EIF2B3: variants seen among roughly 807,000 people sequenced by gnomAD.
EIF2B3 encodes the protein translation initiation factor eIF2B subunit gamma.
EIF2B3 carries 20 observed loss-of-function variants against 54.1 expected under a neutral mutation model. The observed-to-expected ratio is 0.37, with a 90% CI of 0.26 to 0.54. The LOEUF (loss-of-function observed/expected upper bound fraction) is 0.54, where lower values mean the gene tolerates loss of function less well. Among genes scored for constraint, EIF2B3 ranks in the 20% least tolerant of loss-of-function variants. The pLI, the probability that EIF2B3 is intolerant of heterozygous loss-of-function variation, is 0.86. For missense variants in EIF2B3, 448 were observed against 547.8 expected (o/e 0.82, Z 1.82); for synonymous variants, 153 against 188.1 (o/e 0.81, Z 1.52).
intron 3 of EIF2B3, among the ~76,000 whole-genome samples, chr1:44,943,259 C>G (rs1296434735): frequency 1.3e-5 from 2 of 149,400 alleles, no homozygotes; most frequent in Non-Finnish European, 3.0e-5. Context: ...AACTGGTGGG[C>G]TCAAACAATC....
intron 3 of EIF2B3, among the ~76,000 whole-genome samples, chr1:44,942,846 T>C (rs796820516): frequency 5.3e-5 from 8 of 151,898 alleles, no homozygotes; most frequent in African/African-American, 1.7e-4. Context: ...TTTATTTTAT[T>C]TTATTTTATT....
chr1:44,877,208 A>C (rs867626117), intron 8 of EIF2B3, among the ~76,000 whole-genome samples: 21 of 148,374 alleles, frequency 1.4e-4, no homozygotes, highest in African/African-American at 2.2e-4. Flanking sequence ...AAAAAAAAAA[A>C]AAAAAAAAAA....
intron 11 of EIF2B3, among the ~76,000 whole-genome samples, chr1:44,856,814 ATTATTT>A (rs1270245844): frequency 1.3e-5 from 2 of 152,050 alleles, no homozygotes; most frequent in African/African-American, 2.4e-5. Flanking sequence ...AATTTTTATT[ATTATTT>A]TTAAGACAGG....
chr1:44,871,874 CT>C (rs71040515), intron 10 of EIF2B3, among the ~76,000 whole-genome samples: 431 of 118,876 alleles, frequency 3.6e-3, no homozygotes, highest in African/African-American at 8.1e-3. Flanking sequence ...ACTTCACAAT[CT>C]TTTTTTTTTT....
chr1:44,906,487 G>A (rs1643413074), intron 5 of EIF2B3, among the ~76,000 whole-genome samples: 1 of 152,156 alleles, frequency 6.6e-6, no homozygotes, highest in African/African-American at 2.4e-5. Context: ...TGCAACCTCC[G>A]CCTCTCAGGT....
intron 8 of EIF2B3, among the ~76,000 whole-genome samples, chr1:44,877,022 C>T (rs991468294): frequency 1.3e-5 from 2 of 150,204 alleles, no homozygotes; most frequent in African/African-American, 5.0e-5. Context: ...GTCATCACCA[C>T]TCCCTGATCT....
chr1:44,961,117 C>T (rs185970999), intron 3 of EIF2B3, among the ~76,000 whole-genome samples: 5 of 151,882 alleles, frequency 3.3e-5, no homozygotes, highest in Admixed American at 2.6e-4. Flanking sequence ...AGGAGGATTG[C>T]TTGAGGCCAG....
chr1:44,930,453 CAG>C (rs1373552301), intron 4 of EIF2B3, among the ~76,000 whole-genome samples: 4 of 152,210 alleles, frequency 2.6e-5, no homozygotes, highest in Admixed American at 1.3e-4. Context: ...TTTGAACTAA[CAG>C]AGCGCAGCAG....
At chr1:44,920,557 C>T (rs1021766033) in intron 5 of EIF2B3, among the ~76,000 whole-genome samples, 34 of 152,140 alleles carry the variant, frequency 2.2e-4, no homozygotes, top group African/African-American at 8.2e-4. Flanking sequence ...CCTTTCCAGC[C>T]TCTGGTAATC....
At chr1:44,982,764 CTT>C (rs34092748) in intron 1 of EIF2B3, among the ~76,000 whole-genome samples, 4 of 138,668 alleles carry the variant, frequency 2.9e-5, no homozygotes, top group Admixed American at 7.3e-5. Flanking sequence ...CCATGCCTGG[CTT>C]TTTTTTTTTT....
At chr1:44,917,055 T>TC (rs1643638182) in intron 5 of EIF2B3, among the ~76,000 whole-genome samples, 1 of 152,176 alleles carries the variant, frequency 6.6e-6, no homozygotes, top group South Asian at 2.1e-4. Context: ...TGGGAATAAC[T>TC]CAGAGGTAAG....
chr1:44,961,229 C>T (rs562492047), intron 3 of EIF2B3, among the ~76,000 whole-genome samples: 99 of 147,946 alleles, frequency 6.7e-4, no homozygotes, highest in Non-Finnish European at 1.3e-3. Context: ...GTCCCAGCTA[C>T]AGGCTTGAGC....
intron 11 of EIF2B3, among the ~76,000 whole-genome samples, chr1:44,852,779 CAA>C (rs35073051): frequency 4.8e-4 from 54 of 111,900 alleles, no homozygotes; most frequent in East Asian, 7.8e-4. Flanking sequence ...AACTCTGTCT[CAA>C]AAAAAAAAAA....
intron 5 of EIF2B3, among the ~76,000 whole-genome samples, chr1:44,906,876 A>T (rs1643422745): frequency 6.6e-6 from 1 of 152,202 alleles, no homozygotes; most frequent in Non-Finnish European, 1.5e-5. Context: ...CACCGAGTCT[A>T]TATATGACTT....
intron 8 of EIF2B3, among the ~76,000 whole-genome samples, chr1:44,877,192 T>TTAAAAAAAAAAAAAA (rs1553169362): frequency 3.8e-5 from 2 of 52,056 alleles, no homozygotes; most frequent in Non-Finnish European, 7.1e-5. Flanking sequence ...GAATGATCAA[T>TTAAAAAAAAAAAAAA]AAAAAAAAAA....
chr1:44,949,987 T>C (rs536059533), intron 3 of EIF2B3, among the ~76,000 whole-genome samples: 11 of 152,330 alleles, frequency 7.2e-5, no homozygotes, highest in African/African-American at 1.9e-4. Context: ...GATTTAGATA[T>C]ATGCAATTTA....
intron 5 of EIF2B3, among the ~76,000 whole-genome samples, chr1:44,923,636 ACT>A (rs1643794627): frequency 7.9e-6 from 1 of 126,348 alleles, no homozygotes; most frequent in Admixed American, 8.3e-5. Flanking sequence ...AAATTATTTC[ACT>A]GATGTTTTCT....
intron 10 of EIF2B3, among the ~76,000 whole-genome samples, chr1:44,868,493 T>C (rs552759859): frequency 2.7e-5 from 4 of 146,298 alleles, no homozygotes; most frequent in African/African-American, 7.5e-5. Context: ...ACACTAACAC[T>C]GGATTTTTTT....
intron 1 of EIF2B3, among the ~76,000 whole-genome samples, chr1:44,981,709 G>A (rs1644515195): frequency 6.6e-6 from 1 of 152,138 alleles, no homozygotes; most frequent in Non-Finnish European, 1.5e-5. Context: ...GCTGAGGTGT[G>A]TGGATCACAT....
Sources: gnomAD v4.1 joint callset for allele counts (sites outside exome capture counted in the v4.1 genomes callset) on GRCh38, gnomAD v4.1.1 for gene constraint, MANE v1.5 for transcripts, NCBI Gene and HGNC (gene_info 2026-07-23, HGNC 2026-07-21) for gene names.